Variants in GLI1 observed in about 807,000 individuals in gnomAD.
GLI1 encodes the protein GLI family zinc finger 1.
In GLI1, 51 loss-of-function variants were observed where a neutral mutation model predicts 87.8. The observed-to-expected ratio is 0.58, with a 90% CI of 0.46 to 0.73. GLI1 has a LOEUF of 0.73. Among genes scored for constraint, GLI1 ranks in the 30% least tolerant of loss-of-function variants. The pLI, the probability that GLI1 is intolerant of heterozygous loss-of-function variation, is 0.00. For synonymous variants in GLI1, 528 were observed against 558.2 expected, an observed-to-expected ratio of 0.95 and a Z score of 0.76; for missense variants, 1,292 against 1,437.2, an observed-to-expected ratio of 0.90 and a Z score of 1.63.
In GLI1 at chr12:57,465,778, C is replaced by T. The variant is rs754725011; in HGVS notation, c.625-10C>T. 3.1e-6 allele frequency: 5 copies of T among 1,614,044 alleles called. No homozygotes were observed. The highest frequency in any genetic ancestry group is 4.2e-6 in the Non-Finnish European group (5 of 1,179,938). ...CCCAAGTGACCCTGAGATTGCCTCT[C>T]TTGCCCTAGGATCCCCTGTTGGGGA... On this transcript the variant is annotated splice_polypyrimidine_tract_variant and intron_variant, in intron 6 of 11. Coordinates refer to ENST00000228682, the MANE Select transcript of GLI1 (RefSeq NM_005269.3).
chr12:57,467,383 C>T lies in GLI1; in HGVS notation c.963C>T (p.His321=), dbSNP rs775575516. 8 of 1,612,572 alleles carry T rather than the reference C, an allele frequency of 5.0e-6. No individual in the cohort carries two copies. The highest frequency in any genetic ancestry group is 1.3e-5 in the African/African-American group (1 of 74,908). ...CACGCCTCGAAAACCTGAAGACGCA[C>T]CTGCGGTCACACACGGGTGAGAAGC... ...SYSRLENLKT[H]LRSHTGEKPY... Residue 321 remains histidine (H), a synonymous_variant, in exon 9 of 12, where the codon CAC becomes CAT. Transcript: ENST00000228682.
Position 57,471,070 on chromosome 12 carries a change from A to C in GLI1, c.2330A>C (p.Gln777Pro), listed in dbSNP as rs750640199. 2 of 1,612,556 alleles carry C rather than the reference A, an allele frequency of 1.2e-6. No homozygotes were observed. Among genetic ancestry groups the C allele is most frequent in the Non-Finnish European group, 1.7e-6 (2 of 1,179,266 alleles). ...CAGGCCTCATATCCTGACCCCACCC[A>C]AGAAACATGGGGTGAGTTCCCTTCC... Reference protein sequence around the residue: ...PQQASYPDPTQETWGEFPSHS... With the variant: ...PQQASYPDPTPETWGEFPSHS... Residue 777 changes from glutamine (Q) to proline (P), a missense_variant, in exon 12 of 12, where the codon CAA becomes CCA. Around this residue, in one of 3 missense-constraint regions of GLI1, gnomAD observed 897 missense variants for 1,040.7 expected, o/e 0.86. Transcript: ENST00000228682. The surrounding 1 kb of genome is among the most constrained non-coding windows in gnomAD (Gnocchi z 4.9).
At chr12:57,463,400 A>G (rs1320284991) in intron 1 of GLI1, among the ~76,000 whole-genome samples, 1 of 152,058 alleles carries the variant, frequency 6.6e-6, no homozygotes, top group Non-Finnish European at 1.5e-5. Flanking sequence ...GTTTTTTTGT[A>G]GAGACGGGGG....
chr12:57,467,858 G>A, intron 9 of GLI1, 136 bp from the exon 10 acceptor site: 2 of 637,308 alleles, frequency 3.1e-6, no homozygotes, highest in Non-Finnish European at 5.6e-6. Context: ...TCCCACCGGA[G>A]GCCTCCATCC....
intron 9 of GLI1, 131 bp downstream of exon 9, chr12:57,467,628 A>T: frequency 1.3e-6 from 1 of 783,960 alleles, no homozygotes; most frequent in Non-Finnish European, 2.0e-6. Context: ...ATTCGCCCAG[A>T]AAAGGCTTTT....
At position 57,464,016 on chromosome 12, in the gene GLI1, T is replaced by C; in HGVS notation, c.118T>C (p.Phe40Leu). The C allele has an allele frequency of 6.2e-7, 1 of 1,613,654 alleles. No homozygotes were observed. The highest frequency in any genetic ancestry group is 8.5e-7 in the Non-Finnish European group (1 of 1,179,532). The change falls in exon 3 of 12, where the codon TTC (phenylalanine) becomes CTC (leucine). Residue 40 changes from phenylalanine to leucine, a missense_variant. Around this residue, in one of 3 missense-constraint regions of GLI1, gnomAD observed 383 missense variants for 368.4 expected, o/e 1.04. Transcript: ENST00000228682. ...VGTEGLSGPP[F>L]CHQANLMSGP... ...TTTTCTAGGACTGTCTGGCCCGCCC[T>C]TCTGCCACCAAGCTAACCTCATGTC...
intron 1 of GLI1, chr12:57,460,430 A>G (rs920386165): frequency 6.6e-6 from 1 of 152,074 alleles, no homozygotes; most frequent in African/African-American, 2.4e-5. Context: ...TCTCTGTCTC[A>G]GGGAACCGTG....
At chr12:57,464,899 A>T (rs1371976586) in intron 4 of GLI1, 31 bp downstream of exon 4, 1 of 1,522,616 alleles carries the variant, frequency 6.6e-7, no homozygotes, top group Non-Finnish European at 9.1e-7. Flanking sequence ...AGAGGCCCCT[A>T]AAGCCCCTAC....
chr12:57,463,610 GCTGT>G (rs1417588210), intron 1 of GLI1, 51 bp from the exon 2 acceptor site: 1 of 847,038 alleles, frequency 1.2e-6, no homozygotes, highest in Admixed American at 1.7e-5. Context: ...GCCTGAGACT[GCTGT>G]CTGACAGTCT....
intron 8 of GLI1, among the ~76,000 whole-genome samples, chr12:57,466,716 A>G (rs1178512927): frequency 6.6e-6 from 1 of 152,080 alleles, no homozygotes; most frequent in Non-Finnish European, 1.5e-5. Context: ...AGCTTGGCCA[A>G]TATTGGTGAA....
chr12:57,470,199 T>G, intron 11 of GLI1, 118 bp from the exon 12 acceptor site: 1 of 741,164 alleles, frequency 1.3e-6, no homozygotes, highest in East Asian at 2.5e-5. Context: ...CAGAACAGAC[T>G]GGTTAGGGAT....
chr12:57,469,021 G>A (rs1871690439), intron 10 of GLI1, among the ~76,000 whole-genome samples: 1 of 152,114 alleles, frequency 6.6e-6, no homozygotes. Context: ...CAAAGTGCTG[G>A]GATTACAGGC....
In GLI1 at chr12:57,466,431, C is replaced by T. The variant is rs368693507; in HGVS notation, c.912+42C>T. On this transcript the variant is annotated intron_variant, in intron 8 of 11. Transcript: ENST00000228682. ...CCAAGTCCAGGGTCTCTTCCTAAAT[C>T]AGGGCTCTCCTTCAAGGTAGGGCCC... 205 of 1,535,696 alleles carry T rather than the reference C, an allele frequency of 1.3e-4. 1 individual carries two copies. The highest frequency in any genetic ancestry group is 8.6e-4 in the Middle Eastern group (5 of 5,818).
chr12:57,465,995 A>T (rs1057182094), intron 7 of GLI1, 70 bp downstream of exon 7: 10 of 1,457,782 alleles, frequency 6.9e-6, no homozygotes, highest in Non-Finnish European at 9.6e-6. Context: ...ACATGGTGGA[A>T]TCCGGCTGAG....
chr12:57,467,521 C>G (rs766758390), intron 9 of GLI1, 24 bp downstream of exon 9: 1 of 1,568,954 alleles, frequency 6.4e-7, no homozygotes, highest in African/African-American at 1.4e-5. Flanking sequence ...CTAAGCGACC[C>G]TCCCCTCTTG....
intron 8 of GLI1, 59 bp downstream of exon 8, chr12:57,466,448 G>A: frequency 2.9e-6 from 4 of 1,395,910 alleles, no homozygotes; most frequent in Non-Finnish European, 4.0e-6. Flanking sequence ...CTCCTTCAAG[G>A]TAGGGCCCAA....
At chr12:57,469,364 C>T in intron 10 of GLI1, 67 bp from the exon 11 acceptor site, 1 of 1,514,476 alleles carries the variant, frequency 6.6e-7, no homozygotes, top group East Asian at 2.3e-5. Flanking sequence ...ACACAGGCTT[C>T]AGCCACTCAT....
rs79390304 is a variant in GLI1, at chr12:57,464,525, C to CAA, written c.194-132_194-131dup. The CAA allele has an allele frequency of 3.1e-3, 1,595 of 511,882 alleles. 1 individual carries two copies. The highest frequency in any genetic ancestry group is 4.9e-3 in the African/African-American group (197 of 40,126). 31.7% of individuals were successfully genotyped at this position (511,882 alleles called of 1,614,324 possible). A position where few individuals can be genotyped will look rare whatever the true frequency, so the allele number is the denominator to read the frequency against. ...TTACAGAGCATGACTCTGTGTCTCTCAAAAAAAAAAAAAAAAAGTCACAGA... is the reference window on the plus strand; with the variant it reads ...TTACAGAGCATGACTCTGTGTCTCTCAAAAAAAAAAAAAAAAAAAGTCACAGA... On this transcript the variant is annotated intron_variant, in intron 3 of 11. Transcript: ENST00000228682.
chr12:57,461,257 C>T (rs1056346761), intron 1 of GLI1, among the ~76,000 whole-genome samples: 29 of 152,054 alleles, frequency 1.9e-4, no homozygotes, highest in African/African-American at 6.8e-4. Flanking sequence ...AGAAGGCGGG[C>T]GGTTTCCCGG....
Sources: gnomAD v4.1 joint callset for allele counts (sites outside exome capture counted in the v4.1 genomes callset) on GRCh38, gnomAD v4.1.1 for gene constraint, gnomAD v4.1.1 regional missense constraint, Gnocchi (gnomAD v3.1) non-coding constraint, MANE v1.5 for transcripts, NCBI Gene and HGNC (gene_info 2026-07-23, HGNC 2026-07-21) for gene names.